The following CCDC6 variants were observed in gnomAD, a reference collection of about 807,000 sequenced individuals.
The protein encoded by CCDC6 is coiled-coil domain containing 6.
In CCDC6, 20 loss-of-function variants were observed where a neutral mutation model predicts 56.6. That is an observed-to-expected ratio of 0.35 (90% CI 0.25 to 0.51). The LOEUF is 0.51. Ranked by LOEUF, CCDC6 falls within the 20% of genes least tolerant of loss-of-function variation. The pLI is 0.95. For missense variants in CCDC6, 367 were observed against 601.1 expected (o/e 0.61, Z 4.07); for synonymous variants, 241 against 234.4 (o/e 1.03, Z -0.26).
At chr10:59,892,556 A>C (rs1282847233) in intron 1 of CCDC6, among the ~76,000 whole-genome samples, 1 of 152,220 alleles carries the variant, frequency 6.6e-6, no homozygotes, top group African/African-American at 2.4e-5. Context: ...TTTTTCTATC[A>C]TAATCTTATA....
Position 59,851,952 on chromosome 10 carries a change from A to C in CCDC6, c.453+601T>G, listed in dbSNP as rs562005857. On this transcript the variant is annotated intron_variant, in intron 2 of 8. Coordinates refer to ENST00000263102, the MANE Select transcript of CCDC6 (RefSeq NM_005436.5). ...GAAAAAAAAGGAGGGGGAGAGAATG[A>C]GCCTCTGAAGTAGAGAAATCAAACC... is the stretch of plus-strand genomic sequence containing the variant. Among the ~76,000 whole-genome samples the C allele has an allele frequency of 9.2e-5, 14 of 152,216 alleles. No individual in the cohort carries two copies. The South Asian group carries it at 2.9e-3, about 32-fold the overall frequency.
chr10:59,833,419 A>C (rs1172580072), intron 2 of CCDC6, among the ~76,000 whole-genome samples: 2 of 152,162 alleles, frequency 1.3e-5, no homozygotes, highest in Non-Finnish European at 2.9e-5. Context: ...ATTGCACTCC[A>C]GCTTGGACAA....
intron 1 of CCDC6, among the ~76,000 whole-genome samples, chr10:59,856,103 AAC>A (rs990536824): frequency 7.2e-5 from 11 of 152,326 alleles, no homozygotes; most frequent in African/African-American, 2.4e-4. Context: ...AACATGGCCT[AAC>A]ACAGCTTTAA....
intron 2 of CCDC6, among the ~76,000 whole-genome samples, chr10:59,846,286 T>C (rs1312065996): frequency 1.3e-5 from 2 of 152,194 alleles, no homozygotes. Context: ...AACAGGCAGA[T>C]CTGGAGACCT....
intron 4 of CCDC6, among the ~76,000 whole-genome samples, 191 bp downstream of exon 4, chr10:59,814,461 A>G (rs1417138715): frequency 6.6e-6 from 1 of 152,192 alleles, no homozygotes; most frequent in Admixed American, 6.5e-5. Context: ...GTATGATAGC[A>G]AAGAATAAAG....
At chr10:59,891,156 TA>T (rs1161838076) in intron 1 of CCDC6, among the ~76,000 whole-genome samples, 1 of 152,214 alleles carries the variant, frequency 6.6e-6, no homozygotes, top group African/African-American at 2.4e-5. Flanking sequence ...ATATGTATAC[TA>T]AAAAATAATT....
chr10:59,855,506 C>A (rs2071074192), intron 1 of CCDC6, among the ~76,000 whole-genome samples: 1 of 152,182 alleles, frequency 6.6e-6, no homozygotes, highest in Admixed American at 6.5e-5. Flanking sequence ...GCGGAGATTG[C>A]AGTGAGCCAA....
intron 1 of CCDC6, among the ~76,000 whole-genome samples, chr10:59,896,050 G>A (rs2071460554): frequency 6.6e-6 from 1 of 152,188 alleles, no homozygotes; most frequent in Non-Finnish European, 1.5e-5. Flanking sequence ...ACTCCACGGG[G>A]AGAGGATAAC....
chr10:59,875,684 G>A (rs1028465438), intron 1 of CCDC6, among the ~76,000 whole-genome samples: 20 of 152,126 alleles, frequency 1.3e-4, no homozygotes, highest in African/African-American at 2.9e-4. Flanking sequence ...GGTCTGCGCC[G>A]ATGCTATTCT....
chr10:59,885,976 T>C (rs2071380863), intron 1 of CCDC6, among the ~76,000 whole-genome samples: 1 of 132,790 alleles, frequency 7.5e-6, no homozygotes. Context: ...CAAAACCTCT[T>C]AGCACAATGC....
chr10:59,898,217 T>G (rs1190837850), intron 1 of CCDC6, among the ~76,000 whole-genome samples: 1 of 152,160 alleles, frequency 6.6e-6, no homozygotes, highest in East Asian at 1.9e-4. Flanking sequence ...ATAATTTCCA[T>G]GTACTGACAG....
intron 1 of CCDC6, among the ~76,000 whole-genome samples, chr10:59,889,436 T>C (rs2071405978): frequency 6.6e-6 from 1 of 152,166 alleles, no homozygotes; most frequent in Admixed American, 6.5e-5. Context: ...AGAATGCCCT[T>C]TATTCATGTT....
At chr10:59,842,603 T>C (rs763191659) in intron 2 of CCDC6, among the ~76,000 whole-genome samples, 1 of 152,174 alleles carries the variant, frequency 6.6e-6, no homozygotes, top group Non-Finnish European at 1.5e-5. Context: ...CATTTACTTA[T>C]ATTTTGTGTA....
chr10:59,842,047 CT>C (rs1400982265), intron 2 of CCDC6, among the ~76,000 whole-genome samples: 2 of 151,292 alleles, frequency 1.3e-5, no homozygotes, highest in African/African-American at 4.9e-5. Flanking sequence ...TTTGTAAACA[CT>C]TTATTTATGT....
chr10:59,896,570 A>G lies in CCDC6; in HGVS notation c.303+9552T>C, dbSNP rs547901953. Among the ~76,000 whole-genome samples, 7 of 151,904 alleles carry G rather than the reference A, an allele frequency of 4.6e-5. No homozygotes were observed. The East Asian group carries it at 1.2e-3, about 25-fold the overall frequency. On this transcript the variant is annotated intron_variant, in intron 1 of 8. Coordinates refer to ENST00000263102, the MANE Select transcript of CCDC6 (RefSeq NM_005436.5). ...AAAAAGCAGCTAGCAGCTTTTGTAG[A>G]CCAGAGTAAGTCTTTCTTTAAAAAA...
chr10:59,847,991 A>G (rs1035740501), intron 2 of CCDC6, among the ~76,000 whole-genome samples: 1 of 151,852 alleles, frequency 6.6e-6, no homozygotes, highest in Admixed American at 6.6e-5. Context: ...TTCTCCAGGT[A>G]CTCCAGCGCC....
At position 59,858,935 on chromosome 10, in the gene CCDC6, C is replaced by T. The variant is rs189864737; in HGVS notation, c.304-6233G>A. On this transcript the variant is annotated intron_variant, in intron 1 of 8. Coordinates refer to ENST00000263102, the MANE Select transcript of CCDC6 (RefSeq NM_005436.5). ...ACTCACACTGCCTGGTTTACAAGGT[C>T]GCTGTGCCTTTGTCCAGCTATATGA... is the stretch of plus-strand genomic sequence containing the variant. 7.6e-4 allele frequency among the ~76,000 whole-genome samples: 115 copies of T among 152,240 alleles called. 1 individual carries two copies. Among genetic ancestry groups the T allele is most frequent in the African/African-American group, 2.6e-3 (109 of 41,540 alleles).
chr10:59,882,939 G>A (rs547859488), intron 1 of CCDC6, among the ~76,000 whole-genome samples: 33 of 151,782 alleles, frequency 2.2e-4, no homozygotes, highest in African/African-American at 7.7e-4. Context: ...CAGCCTGGGC[G>A]ACAGAGCAAG....
chr10:59,823,451 A>G (rs551149391), intron 3 of CCDC6, among the ~76,000 whole-genome samples: 8 of 152,284 alleles, frequency 5.3e-5, no homozygotes, highest in African/African-American at 1.7e-4. Context: ...CAGTTCCCAC[A>G]CTGGAGTTGA....
Sources: gnomAD v4.1 joint callset for allele counts (sites outside exome capture counted in the v4.1 genomes callset) on GRCh38, gnomAD v4.1.1 for gene constraint, MANE v1.5 for transcripts, NCBI Gene and HGNC (gene_info 2026-07-23, HGNC 2026-07-21) for gene names.